Variants in RGS6 observed in about 807,000 individuals in gnomAD.
The protein encoded by RGS6 is regulator of G protein signaling 6.
Under a neutral mutation model 78.5 loss-of-function variants are expected in RGS6, and 30 were observed. That is an observed-to-expected ratio of 0.38 (90% CI 0.29 to 0.52). RGS6 has a LOEUF of 0.52. Among genes scored for constraint, RGS6 ranks in the 20% least tolerant of loss-of-function variants. The probability of loss-of-function intolerance (pLI) is 0.85; values close to 1 mark genes in which losing one functional copy is unlikely to be tolerated. For missense variants in RGS6, 495 were observed against 609.7 expected (o/e 0.81, Z 1.98); for synonymous variants, 206 against 206.0 (o/e 1.00, Z 0.00).
intron 3 of RGS6, among the ~76,000 whole-genome samples, chr14:72,385,515 T>C (rs1038598252): frequency 2.0e-4 from 30 of 152,206 alleles, no homozygotes; most frequent in Admixed American, 8.5e-4. Flanking sequence ...TAGTAGGGAA[T>C]GGGGCTGGTG....
chr14:72,061,469 C>G (rs1304963394), intron 2 of RGS6, among the ~76,000 whole-genome samples: 1 of 152,136 alleles, frequency 6.6e-6, no homozygotes, highest in Non-Finnish European at 1.5e-5. Context: ...CTTAACTGTA[C>G]TCTTTATTTA....
the RGS6 span, among the ~76,000 whole-genome samples, chr14:72,598,705 C>A: frequency 1.3e-5 from 2 of 152,230 alleles, no homozygotes; most frequent in Non-Finnish European, 2.9e-5. Context: ...AAAGCTCTGG[C>A]AGGAGCAGGC....
intron 2 of RGS6, among the ~76,000 whole-genome samples, chr14:71,979,091 TG>T (rs1197112827): frequency 1.3e-4 from 20 of 151,482 alleles, no homozygotes; most frequent in South Asian, 8.4e-4. Context: ...TTTGTATTTC[TG>T]TGGGATCGGT....
chr14:72,328,382 T>A (rs1287324445), intron 2 of RGS6, among the ~76,000 whole-genome samples: 2 of 152,138 alleles, frequency 1.3e-5, no homozygotes, highest in East Asian at 3.8e-4. Context: ...AAGCACCCAG[T>A]ACATAATAAG....
intron 2 of RGS6, among the ~76,000 whole-genome samples, chr14:72,350,174 C>T (rs538967719): frequency 4.6e-5 from 7 of 152,274 alleles, no homozygotes; most frequent in African/African-American, 1.7e-4. Context: ...TAATACTCAT[C>T]TACCTCCTGA....
the RGS6 span, among the ~76,000 whole-genome samples, chr14:71,877,925 C>T: frequency 1.3e-5 from 2 of 152,198 alleles, no homozygotes; most frequent in African/African-American, 4.8e-5. Flanking sequence ...AGCTGCAGGT[C>T]TGTTGGAGTT....
intron 10 of RGS6, 63 bp from the exon 11 acceptor site, chr14:72,476,679 G>C (rs2096249557): frequency 1.5e-6 from 2 of 1,355,216 alleles, no homozygotes; most frequent in Admixed American, 3.6e-5. Flanking sequence ...TGGACTAGCT[G>C]ACCCCTAAGC....
At chr14:72,489,162 C>CA (rs1555431760) in intron 12 of RGS6, among the ~76,000 whole-genome samples, 2 of 150,332 alleles carry the variant, frequency 1.3e-5, no homozygotes, top group South Asian at 2.2e-4. Context: ...GGGGGCCCCC[C>CA]CACCGGCTGT....
At chr14:72,457,245 A>T (rs1048526914) in intron 4 of RGS6, among the ~76,000 whole-genome samples, 1 of 152,240 alleles carries the variant, frequency 6.6e-6, no homozygotes, top group African/African-American at 2.4e-5. Context: ...CAACTTCTTG[A>T]AAAGTTTGCA....
intron 12 of RGS6, among the ~76,000 whole-genome samples, chr14:72,487,616 G>C (rs950749708): frequency 6.6e-6 from 1 of 152,180 alleles, no homozygotes; most frequent in Non-Finnish European, 1.5e-5. Context: ...AACCATAGCT[G>C]GCTTTGCAGA....
chr14:72,113,270 AC>A (rs2095813656), intron 2 of RGS6, among the ~76,000 whole-genome samples: 1 of 152,248 alleles, frequency 6.6e-6, no homozygotes, highest in Non-Finnish European at 1.5e-5. Context: ...AAGGTAGGTG[AC>A]CAAGTATTAT....
At chr14:72,611,520 C>G in the RGS6 span, among the ~76,000 whole-genome samples, 6 of 152,164 alleles carry the variant, frequency 3.9e-5, no homozygotes, top group Admixed American at 6.5e-5. Flanking sequence ...CCCCACCCCC[C>G]CAGTCCCGCT....
intron 2 of RGS6, among the ~76,000 whole-genome samples, chr14:72,283,390 T>C (rs1589302): frequency 0.35 from 52,673 of 152,102 alleles, 11,204 homozygotes; most frequent in Non-Finnish European, 0.47. Context: ...TCATCTTGAA[T>C]TGTAGCTCCC....
chr14:72,520,619 G>A (rs1225070519), intron 15 of RGS6, among the ~76,000 whole-genome samples: 1 of 152,180 alleles, frequency 6.6e-6, no homozygotes, highest in South Asian at 2.1e-4. Context: ...GTATTAACTA[G>A]CAGTACAATT....
At chr14:72,586,898 A>C in the RGS6 span, among the ~76,000 whole-genome samples, 1 of 152,202 alleles carries the variant, frequency 6.6e-6, no homozygotes, top group Non-Finnish European at 1.5e-5. Flanking sequence ...AACCAACGAG[A>C]ATAAGAGGCA....
chr14:72,397,614 C>T (rs1270043111), intron 3 of RGS6, among the ~76,000 whole-genome samples: 3 of 152,164 alleles, frequency 2.0e-5, no homozygotes, highest in African/African-American at 2.4e-5. Flanking sequence ...GAGAGGGCAT[C>T]CCTGTCTTGT....
intron 2 of RGS6, among the ~76,000 whole-genome samples, chr14:72,234,446 A>G (rs1461546709): frequency 6.6e-6 from 1 of 152,220 alleles, no homozygotes; most frequent in Non-Finnish European, 1.5e-5. Context: ...TGAACCAGAT[A>G]CATATGTTCT....
At chr14:72,500,675 G>C (rs56989014) in intron 13 of RGS6, among the ~76,000 whole-genome samples, 1 of 152,080 alleles carries the variant, frequency 6.6e-6, no homozygotes. Context: ...AAGGCCCTAA[G>C]GGCAGAAGGG....
In RGS6 at chr14:72,370,116, C is replaced by A. The variant is rs556409101; in HGVS notation, c.184+17922C>A. Among the ~76,000 whole-genome samples, 3 of 149,634 alleles carry A rather than the reference C, an allele frequency of 2.0e-5. No homozygotes were observed. The South Asian group carries it at 6.4e-4, about 32-fold the overall frequency. On this transcript the variant is annotated intron_variant, in intron 3 of 17. Transcript: ENST00000553525. ...GAATGGTAGACTAGCCTACTCAGAC[C>A]AACTGTCTGAATGAGAACAATTACA...
Sources: allele counts gnomAD v4.1 joint callset (sites outside exome capture counted in the v4.1 genomes callset), GRCh38; gene constraint gnomAD v4.1.1; transcripts MANE v1.5; gene names NCBI Gene and HGNC (gene_info 2026-07-23, HGNC 2026-07-21).